The following DLGAP2 variants were observed in gnomAD, a reference collection of about 807,000 sequenced individuals.
The protein encoded by DLGAP2 is DLG associated protein 2, also known as disks large-associated protein 2.
In DLGAP2, 26 loss-of-function variants were observed where a neutral mutation model predicts 100.3. The observed-to-expected ratio is 0.26, with a 90% CI of 0.19 to 0.36. DLGAP2 has a LOEUF of 0.36. DLGAP2 is among the 10% of genes least tolerant of loss of function. The pLI, the probability that DLGAP2 is intolerant of heterozygous loss-of-function variation, is 1.00. For synonymous variants in DLGAP2, 886 were observed against 630.1 expected, an observed-to-expected ratio of 1.41 and a Z score of -6.08; for missense variants, 1,858 against 1,453.2, an observed-to-expected ratio of 1.28 and a Z score of -4.53.
chr8:1,071,840 T>C (rs1803439513), intron 2 of DLGAP2, among the ~76,000 whole-genome samples: 1 of 152,192 alleles, frequency 6.6e-6, no homozygotes, highest in Non-Finnish European at 1.5e-5. Context: ...TAGTCAAACA[T>C]TTAAAAAGTG....
chr8:1,600,719 C>G (rs1796598357), intron 6 of DLGAP2, among the ~76,000 whole-genome samples: 4 of 152,154 alleles, frequency 2.6e-5, no homozygotes, highest in Admixed American at 2.0e-4. Context: ...TTTTTCAGCT[C>G]CATCAGGTAA....
intron 4 of DLGAP2, 71 bp from the exon 5 acceptor site, chr8:1,548,555 C>T (rs1801630511): frequency 7.5e-7 from 1 of 1,336,902 alleles, no homozygotes; most frequent in African/African-American, 1.5e-5. Context: ...CGGTGGGGGT[C>T]ACATATTCCC....
At chr8:776,693 G>C (rs1048022752) in intron 1 of DLGAP2, among the ~76,000 whole-genome samples, 4 of 152,192 alleles carry the variant, frequency 2.6e-5, no homozygotes, top group Admixed American at 6.5e-5. Context: ...CTTCTAGTTT[G>C]ATTGCACTGT....
intron 2 of DLGAP2, among the ~76,000 whole-genome samples, chr8:944,858 C>T (rs563727002): frequency 1.6e-4 from 25 of 151,568 alleles, no homozygotes; most frequent in South Asian, 6.3e-4. Context: ...TGGTTGGTAA[C>T]GACTTTGTGC....
intron 2 of DLGAP2, among the ~76,000 whole-genome samples, chr8:976,753 T>G (rs1800174451): frequency 6.6e-6 from 1 of 152,174 alleles, no homozygotes; most frequent in Non-Finnish European, 1.5e-5. Flanking sequence ...AAAAAATGGA[T>G]GTAGACGTAA....
At chr8:875,662 T>C (rs765425441) in intron 1 of DLGAP2, among the ~76,000 whole-genome samples, 8 of 152,228 alleles carry the variant, frequency 5.3e-5, no homozygotes, top group South Asian at 2.1e-4. Flanking sequence ...CTTATAGCAG[T>C]GTGAGAATGA....
At chr8:1,202,144 A>G (rs1289373836) in intron 2 of DLGAP2, among the ~76,000 whole-genome samples, 1 of 146,236 alleles carries the variant, frequency 6.8e-6, no homozygotes, top group Non-Finnish European at 1.5e-5. Flanking sequence ...GTGTGTGTAT[A>G]CACATGTGGT....
chr8:1,101,227 T>C (rs944496459), intron 2 of DLGAP2, among the ~76,000 whole-genome samples: 5 of 152,170 alleles, frequency 3.3e-5, no homozygotes, highest in African/African-American at 9.7e-5. Flanking sequence ...CGAATGGAAC[T>C]GGGAAAACAA....
Position 970,040 on chromosome 8 carries a change from G to C in DLGAP2, c.73+62074G>C, listed in dbSNP as rs139964137. Among the ~76,000 whole-genome samples, 14 of 152,262 alleles carry C rather than the reference G, an allele frequency of 9.2e-5. No individual in the cohort carries two copies. The East Asian group carries it at 2.7e-3, about 29-fold the overall frequency. On this transcript the variant is annotated intron_variant, in intron 2 of 14. Transcript: ENST00000637795. ...TCAGCAAAAAATTGTTCACACCATT[G>C]ACAAATGAGTGAAATTCTGACATAT...
intron 2 of DLGAP2, among the ~76,000 whole-genome samples, chr8:1,214,887 T>TA (rs1237592712): frequency 6.6e-6 from 1 of 152,252 alleles, no homozygotes; most frequent in Non-Finnish European, 1.5e-5. Context: ...TTTGTGGCCA[T>TA]AACCTGAAGT....
chr8:856,374 G>C (rs898328929), intron 1 of DLGAP2, among the ~76,000 whole-genome samples: 1 of 152,008 alleles, frequency 6.6e-6, no homozygotes, highest in African/African-American at 2.4e-5. Flanking sequence ...TTTTGGTAGA[G>C]ATGGGATTTC....
intron 2 of DLGAP2, among the ~76,000 whole-genome samples, chr8:1,155,601 TCAC>T (rs1198732324): frequency 6.6e-6 from 1 of 152,104 alleles, no homozygotes; most frequent in Non-Finnish European, 1.5e-5. Context: ...GCCCCAGCTC[TCAC>T]CACATCTGGC....
At chr8:1,238,543 ACATGGTGCCGTGTCTAGTTCTCTCC>A (rs1798716181) in intron 2 of DLGAP2, among the ~76,000 whole-genome samples, 10 of 81,164 alleles carry the variant, frequency 1.2e-4, no homozygotes, top group Admixed American at 2.4e-4. Flanking sequence ...TGGTTCTCTC[ACATGGTGCCGTGTCTAGTTCTCTCC>A]CATGGCGCCG....
intron 2 of DLGAP2, among the ~76,000 whole-genome samples, chr8:1,169,199 C>A (rs192272749): frequency 6.6e-6 from 1 of 151,914 alleles, no homozygotes; most frequent in Non-Finnish European, 1.5e-5. Flanking sequence ...TGTAGATATG[C>A]GGCGTTATTT....
chr8:1,606,103 C>T (rs764260803), intron 6 of DLGAP2, among the ~76,000 whole-genome samples: 1 of 152,180 alleles, frequency 6.6e-6, no homozygotes, highest in Non-Finnish European at 1.5e-5. Context: ...CACTGTCCTT[C>T]CTTGAGGCCC....
At chr8:948,301 C>G (rs540051770) in intron 2 of DLGAP2, among the ~76,000 whole-genome samples, 1 of 152,378 alleles carries the variant, frequency 6.6e-6, no homozygotes, top group South Asian at 2.1e-4. Context: ...GGCCTCGACC[C>G]TGGCTCCTCA....
chr8:800,560 T>C (rs1044159126), intron 1 of DLGAP2, among the ~76,000 whole-genome samples: 1 of 152,192 alleles, frequency 6.6e-6, no homozygotes, highest in Non-Finnish European at 1.5e-5. Context: ...CATGATGAGA[T>C]GCCTGCATTG....
chr8:1,690,079 G>A (rs113088634), intron 12 of DLGAP2, among the ~76,000 whole-genome samples: 1,746 of 152,276 alleles, frequency 0.011, 26 homozygotes, highest in African/African-American at 0.04. Flanking sequence ...GTGTGGGGCC[G>A]GGTGCGGTGG....
chr8:1,683,968 A>ATATGTGTG (rs1799042807), intron 12 of DLGAP2, among the ~76,000 whole-genome samples: 2 of 125,538 alleles, frequency 1.6e-5, no homozygotes, highest in African/African-American at 6.1e-5. Flanking sequence ...ATATATATAT[A>ATATGTGTG]TATATATATA....
Sources: gnomAD v4.1 joint callset for allele counts (sites outside exome capture counted in the v4.1 genomes callset) on GRCh38, gnomAD v4.1.1 for gene constraint, MANE v1.5 for transcripts, NCBI Gene and HGNC (gene_info 2026-07-23, HGNC 2026-07-21) for gene names.